EPHA6: variants seen among roughly 807,000 people sequenced by gnomAD.
EPHA6 encodes the protein ephrin type-A receptor 6.
Under a neutral mutation model 112.0 loss-of-function variants are expected in EPHA6, and 50 were observed. That is an observed-to-expected ratio of 0.45 (90% confidence interval 0.36 to 0.56). EPHA6 has a LOEUF of 0.56. Among genes scored for constraint, EPHA6 ranks in the 20% least tolerant of loss-of-function variants. The pLI, the probability that EPHA6 is intolerant of heterozygous loss-of-function variation, is 0.00. For synonymous variants in EPHA6, 529 were observed against 490.7 expected (o/e 1.08, Z -1.03); for missense variants, 1,280 against 1,417.4 (o/e 0.90, Z 1.56).
chr3:97,195,799 A>G (rs2077425999), intron 3 of EPHA6, among the ~76,000 whole-genome samples: 1 of 152,034 alleles, frequency 6.6e-6, no homozygotes. Context: ...CACTTTAAAT[A>G]TGTCATGGCA....
chr3:97,239,971 G>A (rs77035215), intron 4 of EPHA6, among the ~76,000 whole-genome samples: 1 of 151,592 alleles, frequency 6.6e-6, no homozygotes, highest in Non-Finnish European at 1.5e-5. Flanking sequence ...TACCACTAAT[G>A]GACTGCATAA....
intron 11 of EPHA6, among the ~76,000 whole-genome samples, chr3:97,535,030 C>T (rs1223431636): frequency 6.9e-6 from 1 of 145,304 alleles, no homozygotes; most frequent in Non-Finnish European, 1.5e-5. Context: ...AATTACACAT[C>T]TATCCTTTCT....
intron 11 of EPHA6, among the ~76,000 whole-genome samples, chr3:97,552,122 T>C (rs2093036693): frequency 6.6e-6 from 1 of 152,208 alleles, no homozygotes. Context: ...ATAGAGTTGA[T>C]TGCTAACAGA....
chr3:96,950,323 C>T (rs1044255671), intron 2 of EPHA6, among the ~76,000 whole-genome samples: 1 of 152,126 alleles, frequency 6.6e-6, no homozygotes, highest in Non-Finnish European at 1.5e-5. Context: ...GCCATGCCCT[C>T]ACCTATAAAG....
At chr3:97,136,367 A>G (rs2075769177) in intron 3 of EPHA6, among the ~76,000 whole-genome samples, 1 of 152,204 alleles carries the variant, frequency 6.6e-6, no homozygotes, top group Non-Finnish European at 1.5e-5. Context: ...TTTTAAAAAT[A>G]AAAAGATAAA....
At chr3:97,449,247 G>T (rs868344285) in intron 7 of EPHA6, among the ~76,000 whole-genome samples, 4 of 152,020 alleles carry the variant, frequency 2.6e-5, no homozygotes, top group South Asian at 2.1e-4. Flanking sequence ...GAGATGAAGG[G>T]AGTGAGATAT....
chr3:97,700,896 C>T (rs1234955529), intron 14 of EPHA6, among the ~76,000 whole-genome samples: 1 of 152,086 alleles, frequency 6.6e-6, no homozygotes, highest in East Asian at 1.9e-4. Context: ...TGCAGGCCAA[C>T]CCTGACACAG....
chr3:97,233,894 A>G (rs1378240700), intron 4 of EPHA6, among the ~76,000 whole-genome samples: 1 of 152,146 alleles, frequency 6.6e-6, no homozygotes, highest in Non-Finnish European at 1.5e-5. Flanking sequence ...AGTAGGTGAA[A>G]ATTTCATAGA....
At chr3:97,701,114 T>C (rs1184604276) in intron 14 of EPHA6, among the ~76,000 whole-genome samples, 2 of 152,186 alleles carry the variant, frequency 1.3e-5, no homozygotes, top group African/African-American at 4.8e-5. Flanking sequence ...AGGCATAGTC[T>C]AAGTATTTTA....
At position 97,208,455 on chromosome 3, in the gene EPHA6, A is replaced by T. The variant is rs1022951182; in HGVS notation, c.1115-17809A>T. On this transcript the variant is annotated intron_variant, in intron 3 of 17. Transcript: ENST00000389672. ...CACTACAGCTGGACTGTAAAAATGG[A>T]GGGCCGCAGGCTGGGTGCAGTAGCT... is the stretch of plus-strand genomic sequence containing the variant. Among the ~76,000 whole-genome samples the T allele has an allele frequency of 2.6e-5, 4 of 152,158 alleles. 1 individual carries two copies. Among genetic ancestry groups the T allele is most frequent in the Admixed American group, 2.0e-4 (3 of 15,268 alleles).
intron 3 of EPHA6, among the ~76,000 whole-genome samples, chr3:97,122,374 G>A (rs796309203): frequency 2.0e-5 from 3 of 151,908 alleles, no homozygotes; most frequent in Non-Finnish European, 2.9e-5. Flanking sequence ...ATTGAATTAC[G>A]TGTATTTTTA....
At chr3:97,026,399 A>G (rs1433858019) in intron 3 of EPHA6, among the ~76,000 whole-genome samples, 1 of 152,098 alleles carries the variant, frequency 6.6e-6, no homozygotes, top group East Asian at 1.9e-4. Flanking sequence ...CCTATCCATG[A>G]GCATGGAATG....
chr3:97,497,224 T>A (rs900272402), intron 10 of EPHA6, among the ~76,000 whole-genome samples: 1 of 152,328 alleles, frequency 6.6e-6, no homozygotes, highest in Admixed American at 6.5e-5. Context: ...TAGCTGCCTC[T>A]TCAATTGCAT....
intron 5 of EPHA6, among the ~76,000 whole-genome samples, chr3:97,315,218 A>G (rs1365798903): frequency 6.6e-6 from 1 of 151,652 alleles, no homozygotes; most frequent in African/African-American, 2.4e-5. Flanking sequence ...TAAGAAACTG[A>G]CACCTAGATA....
chr3:97,253,368 A>G (rs1207756866), intron 5 of EPHA6, among the ~76,000 whole-genome samples: 1 of 152,212 alleles, frequency 6.6e-6, no homozygotes, highest in Admixed American at 6.5e-5. Flanking sequence ...ATTGAAAGAG[A>G]GTTCCATAAT....
intron 5 of EPHA6, among the ~76,000 whole-genome samples, chr3:97,270,641 T>C (rs538117318): frequency 6.6e-6 from 1 of 152,350 alleles, no homozygotes; most frequent in East Asian, 1.9e-4. Flanking sequence ...TAGGCCATCT[T>C]GCCACAGTCA....
rs150234526 is a variant in EPHA6, at chr3:97,184,864, G to A, written c.1115-41400G>A. ...ATAGTATGGTACTGTTACCAAAACA[G>A]AGATATAGACCAATGGAACAGAACA... On this transcript the variant is annotated intron_variant, in intron 3 of 17. Coordinates refer to ENST00000389672, the MANE Select transcript of EPHA6 (RefSeq NM_001080448.3). 9.3e-3 allele frequency among the ~76,000 whole-genome samples: 1,418 copies of A among 152,258 alleles called. 6 individuals are homozygous for A. The highest frequency in any genetic ancestry group is 0.017 in the Middle Eastern group (5 of 294).
intron 14 of EPHA6, among the ~76,000 whole-genome samples, chr3:97,696,523 A>G (rs1409960416): frequency 6.6e-6 from 1 of 152,024 alleles, no homozygotes; most frequent in African/African-American, 2.4e-5. Flanking sequence ...GCACCAACTT[A>G]CCCTAATAGG....
At chr3:96,926,110 A>G (rs943696822) in intron 2 of EPHA6, among the ~76,000 whole-genome samples, 1 of 152,128 alleles carries the variant, frequency 6.6e-6, no homozygotes, top group Non-Finnish European at 1.5e-5. Context: ...ACAGTTCCAC[A>G]TGGGTAGGGA....
Sources: allele counts gnomAD v4.1 joint callset (sites outside exome capture counted in the v4.1 genomes callset), GRCh38; gene constraint gnomAD v4.1.1; transcripts MANE v1.5; gene names NCBI Gene and HGNC (gene_info 2026-07-23, HGNC 2026-07-21).